Variants in GPC6 observed in about 807,000 individuals in gnomAD.
The protein encoded by GPC6 is glypican-6.
GPC6 carries 14 observed loss-of-function variants against 55.2 expected under a neutral mutation model. The observed-to-expected ratio is 0.25, with a 90% CI of 0.17 to 0.40. The LOEUF is 0.40. Among genes scored for constraint, GPC6 ranks in the 10% least tolerant of loss-of-function variants. The probability of loss-of-function intolerance (pLI) is 1.00; values close to 1 mark genes in which losing one functional copy is unlikely to be tolerated. For synonymous variants in GPC6, 278 were observed against 259.6 expected (o/e 1.07, Z -0.68); for missense variants, 641 against 708.5 (o/e 0.90, Z 1.08).
At chr13:93,771,296 G>C (rs563338539) in intron 2 of GPC6, among the ~76,000 whole-genome samples, 1 of 152,074 alleles carries the variant, frequency 6.6e-6, no homozygotes, top group Non-Finnish European at 1.5e-5. Context: ...TTCCTTCCTC[G>C]GTGAAAGGCT....
chr13:93,608,828 A>G (rs901013735), intron 2 of GPC6, among the ~76,000 whole-genome samples: 2 of 152,182 alleles, frequency 1.3e-5, no homozygotes, highest in Non-Finnish European at 2.9e-5. Flanking sequence ...AATTCTGCAA[A>G]TGTCCCCAAT....
intron 5 of GPC6, among the ~76,000 whole-genome samples, chr13:94,293,997 C>T (rs1233584370): frequency 6.6e-6 from 1 of 152,124 alleles, no homozygotes; most frequent in East Asian, 1.9e-4. Flanking sequence ...CTACATTCAC[C>T]AATTTCAATC....
intron 2 of GPC6, among the ~76,000 whole-genome samples, chr13:93,545,775 C>T (rs751935694): frequency 9.9e-5 from 15 of 152,110 alleles, no homozygotes; most frequent in Admixed American, 2.0e-4. Flanking sequence ...AAAAAATAAG[C>T]GTAATTTAAG....
At chr13:93,447,249 T>G (rs1878041484) in intron 1 of GPC6, among the ~76,000 whole-genome samples, 1 of 152,186 alleles carries the variant, frequency 6.6e-6, no homozygotes, top group Non-Finnish European at 1.5e-5. Context: ...ATATGGAATT[T>G]CTCTTCTATT....
intron 4 of GPC6, among the ~76,000 whole-genome samples, chr13:94,266,151 C>CTTTTTTTTTTTTTTTTTTT (rs111623457): frequency 7.0e-6 from 1 of 142,820 alleles, no homozygotes; most frequent in African/African-American, 2.6e-5. Flanking sequence ...CTTTTCTTTT[C>CTTTTTTTTTTTTTTTTTTT]TTTTTTTTTT....
chr13:93,303,821 A>G (rs571776442), intron 1 of GPC6, among the ~76,000 whole-genome samples: 1 of 152,014 alleles, frequency 6.6e-6, no homozygotes, highest in Middle Eastern at 3.4e-3. Context: ...GTTTCAATAA[A>G]GGCAAAAGAT....
intron 4 of GPC6, among the ~76,000 whole-genome samples, chr13:94,094,156 A>T (rs1475971853): frequency 6.6e-6 from 1 of 152,012 alleles, no homozygotes; most frequent in East Asian, 1.9e-4. Context: ...TGAGGGTGTT[A>T]CTTTATTATG....
intron 4 of GPC6, among the ~76,000 whole-genome samples, chr13:94,204,212 A>G (rs1376090211): frequency 2.6e-5 from 4 of 152,184 alleles, no homozygotes; most frequent in Non-Finnish European, 5.9e-5. Flanking sequence ...TTTCTGTAAT[A>G]CATAAATACT....
chr13:93,584,922 T>A lies in GPC6; in HGVS notation c.319+39501T>A, dbSNP rs1189375259. 6.6e-5 allele frequency among the ~76,000 whole-genome samples: 10 copies of A among 152,258 alleles called. No homozygotes were observed. In the East Asian group the frequency reaches 1.5e-3, roughly 24 times the overall value. On this transcript the variant is annotated intron_variant, in intron 2 of 8. Transcript: ENST00000377047. ...CCAGACTAGTCTTGAACTCCTGGAC[T>A]CAAGGGATCTGCTCACTTTGGCCTC...
At chr13:94,232,474 A>G (rs971224446) in intron 4 of GPC6, among the ~76,000 whole-genome samples, 2 of 152,200 alleles carry the variant, frequency 1.3e-5, no homozygotes, top group Non-Finnish European at 2.9e-5. Context: ...CAACTTGTTT[A>G]AATAGAGGAA....
rs146967404 is a variant in GPC6 at position 93,510,987 on chromosome 13, GTA to G, written c.161-34258_161-34257del. ...TATATATATGTGTATATATATATGT[GTA>G]TATATATATATATATATTCATGTCC... On this transcript the variant is annotated intron_variant, in intron 1 of 8. Transcript: ENST00000377047. Among the ~76,000 whole-genome samples, 14 of 19,640 alleles carry G rather than the reference GTA, an allele frequency of 7.1e-4. 1 individual carries two copies. Among genetic ancestry groups the G allele is most frequent in the African/African-American group, 1.4e-3 (12 of 8,544 alleles). 12.9% of individuals were successfully genotyped at this position (19,640 alleles called of 152,430 possible).
chr13:93,508,023 T>C (rs1475470117), intron 1 of GPC6, among the ~76,000 whole-genome samples: 1 of 152,230 alleles, frequency 6.6e-6, no homozygotes, highest in Non-Finnish European at 1.5e-5. Flanking sequence ...ATGCTGGGAA[T>C]ATAGCTTCTG....
At chr13:94,246,667 A>G (rs954815006) in intron 4 of GPC6, among the ~76,000 whole-genome samples, 1 of 152,012 alleles carries the variant, frequency 6.6e-6, no homozygotes, top group Admixed American at 6.6e-5. Context: ...GTAGTTGATT[A>G]TATATGTTTA....
At chr13:93,840,560 G>GC (rs1555335725) in intron 3 of GPC6, among the ~76,000 whole-genome samples, 16 of 151,892 alleles carry the variant, frequency 1.1e-4, no homozygotes, top group Non-Finnish European at 2.2e-4. Flanking sequence ...TTGTTGATAT[G>GC]TTGGGTTTAC....
intron 4 of GPC6, among the ~76,000 whole-genome samples, chr13:94,144,143 C>T (rs1887475903): frequency 6.6e-6 from 1 of 152,120 alleles, no homozygotes; most frequent in African/African-American, 2.4e-5. Flanking sequence ...CGCTGTTGTC[C>T]TATTTGCATA....
At chr13:93,282,121 C>G (rs900945994) in intron 1 of GPC6, among the ~76,000 whole-genome samples, 1 of 152,030 alleles carries the variant, frequency 6.6e-6, no homozygotes, top group Non-Finnish European at 1.5e-5. Flanking sequence ...GTTTTTACAG[C>G]CTGTGAACAT....
At chr13:93,983,656 G>A (rs9584176) in intron 3 of GPC6, among the ~76,000 whole-genome samples, 23,093 of 151,722 alleles carry the variant, frequency 0.15, 2,116 homozygotes, top group East Asian at 0.39. Flanking sequence ...ATTATAAAAC[G>A]ATATACAGTT....
intron 1 of GPC6, among the ~76,000 whole-genome samples, chr13:93,436,324 G>GGAT (rs759977621): frequency 5.9e-5 from 9 of 152,160 alleles, no homozygotes; most frequent in Non-Finnish European, 1.2e-4. Flanking sequence ...ATAGCTGTAT[G>GGAT]GATAATAAAT....
intron 1 of GPC6, among the ~76,000 whole-genome samples, chr13:93,307,843 C>T (rs897810293): frequency 2.0e-5 from 3 of 152,076 alleles, no homozygotes; most frequent in African/African-American, 7.2e-5. Flanking sequence ...AAAGTGTTCT[C>T]ACCACAAAAA....
Sources: gnomAD v4.1 joint callset for allele counts (sites outside exome capture counted in the v4.1 genomes callset) on GRCh38, gnomAD v4.1.1 for gene constraint, MANE v1.5 for transcripts, NCBI Gene and HGNC (gene_info 2026-07-23, HGNC 2026-07-21) for gene names.